The following AQP7B variants were observed in gnomAD, a reference collection of about 807,000 sequenced individuals.
AQP7B encodes aquaporin 7B.
At chr2:94,599,866 CTT>C in the AQP7B span, among the ~76,000 whole-genome samples, 1 of 143,658 alleles carries the variant, frequency 7.0e-6, no homozygotes. Flanking sequence ...CCTTTCAACT[CTT>C]TTTTTTTTCT....
At chr2:94,589,021 C>A in the AQP7B span, among the ~76,000 whole-genome samples, 1 of 135,766 alleles carries the variant, frequency 7.4e-6, no homozygotes, top group Non-Finnish European at 1.5e-5. Context: ...TCAGTTCTGT[C>A]ACCCAGGCTG....
chr2:94,588,018 CG>C, the AQP7B span, among the ~76,000 whole-genome samples: 1 of 151,918 alleles, frequency 6.6e-6, no homozygotes, highest in African/African-American at 2.4e-5. Flanking sequence ...GTGAGGTACA[CG>C]GGTGAAATGA....
At chr2:94,598,317 G>A in the AQP7B span, among the ~76,000 whole-genome samples, 1 of 152,190 alleles carries the variant, frequency 6.6e-6, no homozygotes, top group African/African-American at 2.4e-5. Context: ...GCCAGGACGA[G>A]GGAAGTGGAT....
chr2:94,594,158 T>G, the AQP7B span, among the ~76,000 whole-genome samples: 19 of 152,356 alleles, frequency 1.2e-4, no homozygotes, highest in South Asian at 2.1e-4. Context: ...CTGTTTGCAC[T>G]GACCTGGTTG....
chr2:94,603,585 G>T, the AQP7B span: 3 of 1,426,830 alleles, frequency 2.1e-6, no homozygotes, highest in Non-Finnish European at 2.9e-6. Flanking sequence ...AGATAGACAG[G>T]ACAAGAACTC....
At chr2:94,599,865 T>A in the AQP7B span, among the ~76,000 whole-genome samples, 8 of 145,698 alleles carry the variant, frequency 5.5e-5, no homozygotes, top group African/African-American at 2.2e-4. Flanking sequence ...GCCTTTCAAC[T>A]CTTTTTTTTT....
the AQP7B span, among the ~76,000 whole-genome samples, chr2:94,592,388 T>C: frequency 6.6e-6 from 1 of 152,224 alleles, no homozygotes; most frequent in Admixed American, 6.5e-5. Flanking sequence ...CAGTCCTTGC[T>C]GTATTCCTTA....
chr2:94,600,771 C>T, the AQP7B span, among the ~76,000 whole-genome samples: 9 of 151,406 alleles, frequency 5.9e-5, no homozygotes, highest in Admixed American at 4.0e-4. Flanking sequence ...CTCAACTACT[C>T]GGGAGGCTAA....
chr2:94,596,581 G>A, the AQP7B span, among the ~76,000 whole-genome samples: 1 of 152,226 alleles, frequency 6.6e-6, no homozygotes, highest in Non-Finnish European at 1.5e-5. Context: ...CTTAAAGCCT[G>A]ACTTCTCACT....
chr2:94,597,545 C>G, the AQP7B span, among the ~76,000 whole-genome samples: 1 of 151,834 alleles, frequency 6.6e-6, no homozygotes, highest in Non-Finnish European at 1.5e-5. Context: ...GAGACTAAGC[C>G]TTTTGCCCAA....
chr2:94,603,296 C>G, the AQP7B span: 2 of 1,457,034 alleles, frequency 1.4e-6, no homozygotes, highest in Non-Finnish European at 1.9e-6. Context: ...TTGGAGCTCC[C>G]CCACCCTCTA....
the AQP7B span, chr2:94,602,680 C>T: frequency 4.8e-6 from 7 of 1,463,972 alleles, 1 homozygote; most frequent in South Asian, 3.6e-5. Context: ...TCTTTCCTGC[C>T]CACCTCAGCC....
At chr2:94,602,666 A>C in the AQP7B span, 1 of 1,537,294 alleles carries the variant, frequency 6.5e-7, no homozygotes, top group Non-Finnish European at 8.9e-7. Context: ...TGTCCCCAAC[A>C]GGCTCTTTCC....
the AQP7B span, among the ~76,000 whole-genome samples, chr2:94,592,650 T>A: frequency 2.0e-5 from 3 of 151,830 alleles, no homozygotes; most frequent in African/African-American, 7.3e-5. Context: ...ACCAAGGGAA[T>A]CCTGGAAGCC....
chr2:94,596,385 G>A, the AQP7B span, among the ~76,000 whole-genome samples: 1 of 152,144 alleles, frequency 6.6e-6, no homozygotes, highest in Non-Finnish European at 1.5e-5. Flanking sequence ...AAAAGAAGGG[G>A]CAGCCTCTGG....
At chr2:94,592,854 C>T in the AQP7B span, among the ~76,000 whole-genome samples, 122 of 99,310 alleles carry the variant, frequency 1.2e-3, 3 homozygotes, top group South Asian at 0.036. Context: ...GACAGGGTTT[C>T]GCTCTGTCAC....
the AQP7B span, among the ~76,000 whole-genome samples, chr2:94,601,142 T>C: frequency 6.6e-6 from 1 of 152,222 alleles, no homozygotes. Context: ...CTGGCACAGG[T>C]AACTGCCTGG....
At chr2:94,602,313 C>A in the AQP7B span, among the ~76,000 whole-genome samples, 1 of 151,756 alleles carries the variant, frequency 6.6e-6, no homozygotes, top group Non-Finnish European at 1.5e-5. Flanking sequence ...TCAGCAGGGG[C>A]AAGGAGAGGA....
chr2:94,590,960 A>G, the AQP7B span, among the ~76,000 whole-genome samples: 1 of 151,186 alleles, frequency 6.6e-6, no homozygotes, highest in African/African-American at 2.4e-5. Flanking sequence ...AAAAAAAAAA[A>G]AAAAAAAAGA....
Sources: allele counts gnomAD v4.1 joint callset (sites outside exome capture counted in the v4.1 genomes callset), GRCh38; gene constraint gnomAD v4.1.1; transcripts MANE v1.5; gene names NCBI Gene and HGNC (gene_info 2026-07-23, HGNC 2026-07-21).